Variants in CHD4 observed in about 807,000 individuals in gnomAD.
CHD4 encodes the protein chromodomain helicase DNA binding protein 4.
CHD4 carries 35 observed loss-of-function variants against 235.5 expected under a neutral mutation model. That is an observed-to-expected ratio of 0.15 (90% confidence interval 0.11 to 0.20). The LOEUF (loss-of-function observed/expected upper bound fraction) is 0.20, where lower values mean the gene tolerates loss of function less well. Ranked by LOEUF, CHD4 falls within the 10% of genes least tolerant of loss-of-function variation. CHD4 has a pLI of 1.00. For synonymous variants in CHD4, 900 were observed against 850.2 expected, an observed-to-expected ratio of 1.06 and a Z score of -1.02; for missense variants, 1,329 against 2,432.3, an observed-to-expected ratio of 0.55 and a Z score of 9.54.
intron 33 of CHD4, 108 bp from the exon 34 acceptor site, chr12:6,579,025 G>A (rs1948123028): frequency 1.9e-6 from 2 of 1,048,992 alleles, no homozygotes; most frequent in Non-Finnish European, 2.9e-6. Context: ...TGCAATTACA[G>A]TAATGTCAGC....
rs369758311 is a variant in CHD4 at position 6,606,228 on chromosome 12, C to T, written c.100+46G>A. On this transcript the variant is annotated intron_variant, in intron 2 of 39. Coordinates refer to ENST00000544040, the MANE Select transcript of CHD4 (RefSeq NM_001273.5). ...TCACCAGAGGAGTCACTCGGGAGAG[C>T]CCCAGATGTCTCCTTCCCGCCATGG... 4 of 1,303,146 alleles carry T rather than the reference C, an allele frequency of 3.1e-6. No homozygotes were observed. In the African/African-American group the frequency reaches 6.0e-5, roughly 19 times the overall value. 80.7% of individuals were successfully genotyped at this position (1,303,146 alleles called of 1,614,324 possible).
chr12:6,600,310 G>C lies in CHD4; in HGVS notation c.1149C>G (p.Ile383Met). ...AAGCACGGGGACAGGTATCACACAG[G>C]ATGATCTCACCGCCTTGCTGGCACA... ...CEVCQQGGEI[I>M]LCDTCPRAYH... Residue 383 changes from isoleucine to methionine, a missense_variant, in exon 9 of 40, where the codon ATC becomes ATG. Physicochemically the swap from Ile to Met is conservative, Grantham distance 10 (BLOSUM62 1). Around this residue, in one of 26 missense-constraint regions of CHD4, gnomAD observed 13 missense variants for 56.5 expected, o/e 0.23. Transcript: ENST00000544040. 6.2e-7 allele frequency: 1 copy of C among 1,614,134 alleles called. No individual in the cohort carries two copies. The highest frequency in any genetic ancestry group is 8.5e-7 in the Non-Finnish European group (1 of 1,180,018).
In CHD4 at chr12:6,598,347, G is replaced by A. The variant is rs761162911; in HGVS notation, c.1561C>T (p.Arg521Trp). The A allele has an allele frequency of 3.7e-6, 6 of 1,614,142 alleles. No homozygotes were observed. The highest frequency in any genetic ancestry group is 4.2e-6 in the Non-Finnish European group (5 of 1,179,996). The change falls in exon 11 of 40, where the codon CGG (arginine) becomes TGG (tryptophan). Residue 521 changes from arginine to tryptophan, a missense_variant. This residue lies in a region of CHD4 where 45 missense variants were observed against 47.5 expected (regional missense o/e 0.95). Coordinates refer to ENST00000544040, the MANE Select transcript of CHD4 (RefSeq NM_001273.5). ...GTGTTGGGATCAGCATCTGGAGGCCGAGGCACTGGTGTGGGAGATGGTGGC... is the reference window on the plus strand; with the variant it reads ...GTGTTGGGATCAGCATCTGGAGGCCAAGGCACTGGTGTGGGAGATGGTGGC... Reference protein sequence around the residue: ...GQPPSPTPVPRPPDADPNTPS... With the variant: ...GQPPSPTPVPWPPDADPNTPS...
intron 7 of CHD4, 112 bp from the exon 8 acceptor site, chr12:6,600,781 T>C (rs901720171): frequency 3.6e-5 from 54 of 1,515,784 alleles, no homozygotes; most frequent in Non-Finnish European, 4.4e-5. Flanking sequence ...CAAGCACCGT[T>C]ATACAGGGAG....
At position 6,593,220 on chromosome 12, in the gene CHD4, T is replaced by C. The variant is rs1330336363; in HGVS notation, c.2523A>G (p.Ala841=). ...TCAGCAGCACATGGAATTTCACAGA[T>C]GCCTCTTTCTGCACATGAAGGCAAC... The part of the protein sequence containing the change: ...GKKASRMKKE[A]SVKFHVLLTS... The change falls in exon 17 of 40, where the codon GCA becomes GCG. Residue 841 remains alanine, a synonymous_variant. Coordinates refer to ENST00000544040, the MANE Select transcript of CHD4 (RefSeq NM_001273.5). This position sits in a 1 kb window ranked among gnomAD's most constrained non-coding sequence, Gnocchi z 4.9. 1.9e-6 allele frequency: 3 copies of C among 1,614,084 alleles called. No homozygotes were observed. The highest frequency in any genetic ancestry group is 2.7e-5 in the African/African-American group (2 of 75,052).
intron 22 of CHD4, among the ~76,000 whole-genome samples, chr12:6,590,508 GT>G (rs979012070): frequency 2.5e-4 from 36 of 146,792 alleles, no homozygotes; most frequent in East Asian, 9.9e-4. Flanking sequence ...AAAATAAAAA[GT>G]TTTTTTTTTT....
intron 33 of CHD4, chr12:6,580,283 G>A (rs1948157675): frequency 6.6e-6 from 1 of 152,032 alleles, no homozygotes; most frequent in African/African-American, 2.4e-5. Context: ...GATACCTTAA[G>A]TTAGGGGAAA....
chr12:6,599,553 T>C (rs199588214), intron 10 of CHD4, among the ~76,000 whole-genome samples: 1 of 152,184 alleles, frequency 6.6e-6, no homozygotes, highest in Non-Finnish European at 1.5e-5. Context: ...CATTGCTTCA[T>C]CTCCTCTTAA....
In CHD4 at chr12:6,602,385, T is replaced by C; in HGVS notation, c.213A>G (p.Gln71=). ...RDPKIPKSKR[Q]KKERMLLCRQ... is the part of the protein sequence containing the mutation. ...TCAGTCACCCACTCACCTCCTTTTT[T>C]TGGCGCTTGCTCTTAGGGATTTTAG... Residue 71 remains glutamine (Q), a synonymous_variant, in exon 3 of 40, where the codon CAA becomes CAG. Transcript: ENST00000544040. The C allele has an allele frequency of 1.2e-6, 2 of 1,613,782 alleles. No homozygotes were observed. The highest frequency in any genetic ancestry group is 1.1e-5 in the South Asian group (1 of 91,012).
Position 6,606,293 on chromosome 12 carries a change from G to A in CHD4, c.81C>T (p.Ser27=), listed in dbSNP as rs758691484. The A allele has an allele frequency of 1.9e-6, 3 of 1,585,092 alleles. No individual in the cohort carries two copies. In the East Asian group the frequency reaches 7.4e-5, roughly 39 times the overall value. Residue 27 remains serine, a synonymous_variant, in exon 2 of 40, where the codon AGC becomes AGT. Transcript: ENST00000544040. The stretch of plus-strand genomic sequence containing the variant: ...TGTTACCTGGGTGGGGTGGGGGCAG[G>A]CTGTTGTTCAAAAGTGCATCCATAT... ...EEDMDALLNN[S]LPPPHPENEE...
chr12:6,590,136 T>G (rs1228327856), intron 22 of CHD4: 2 of 152,090 alleles, frequency 1.3e-5, no homozygotes, highest in African/African-American at 4.8e-5. Context: ...AGGCATAGGT[T>G]GCAATGAGTC....
chr12:6,595,967 A>G, intron 13 of CHD4, 39 bp downstream of exon 13: 2 of 1,573,764 alleles, frequency 1.3e-6, no homozygotes, highest in South Asian at 2.4e-5. Flanking sequence ...AAAAAAAAAA[A>G]AAAAGAAACA....
intron 33 of CHD4, chr12:6,580,308 A>C (rs1948157962): frequency 6.6e-6 from 1 of 152,216 alleles, no homozygotes; most frequent in Admixed American, 6.5e-5. Context: ...GCCACCTAAA[A>C]TCAAGGGTGC....
At chr12:6,606,506 C>A in intron 1 of CHD4, 55 bp from the exon 2 acceptor site, 1 of 533,406 alleles carries the variant, frequency 1.9e-6, no homozygotes, top group Non-Finnish European at 3.3e-6. Flanking sequence ...CACTGTCCCC[C>A]TCCCCCACAC....
Position 6,581,323 on chromosome 12 carries a change from C to T in CHD4, c.4747G>A (p.Val1583Ile), listed in dbSNP as rs1285532393. ...GCAGTCTCAGGGGCTGTAGATTTAA[C>T]CTCCTTTTCTCCTTCTATGCTCTCT... ...EEESIEGEKE[V>I]KSTAPETAIE... The change falls in exon 32 of 40, where the codon GTT becomes ATT. Residue 1583 changes from valine to isoleucine, a missense_variant. Around this residue, in one of 26 missense-constraint regions of CHD4, gnomAD observed 219 missense variants for 219.3 expected, o/e 1.00. Transcript: ENST00000544040. 1 of 1,614,056 alleles carries T rather than the reference C, an allele frequency of 6.2e-7. No individual in the cohort carries two copies. Among genetic ancestry groups the T allele is most frequent in the African/African-American group, 1.3e-5 (1 of 74,934 alleles).
Position 6,570,559 on chromosome 12 carries a change from C to T in CHD4, c.*117G>A. On this transcript the variant is annotated 3_prime_UTR_variant, in exon 40 of 40. Transcript: ENST00000544040. ...GTGCACTGGGGCTGTTCCTTTACAA[C>T]ATGGAAGATGGGCAGAAGGAAGGTG... The T allele has an allele frequency of 1.5e-6, 2 of 1,309,956 alleles. No individual in the cohort carries two copies. Among genetic ancestry groups the T allele is most frequent in the Non-Finnish European group, 1.1e-6 (1 of 917,106 alleles). The allele number at this position is 1,309,956 out of a possible 1,614,324, so 81.1% of individuals were successfully genotyped here.
chr12:6,582,063 A>G (rs1948204121), intron 30 of CHD4, 74 bp downstream of exon 30: 2 of 1,452,050 alleles, frequency 1.4e-6, no homozygotes, highest in Admixed American at 2.5e-5. Context: ...TCAGCCTCCC[A>G]AAGTGCTGGG....
chr12:6,580,789 A>G, intron 33 of CHD4: 1 of 422,436 alleles, frequency 2.4e-6, no homozygotes, highest in Non-Finnish European at 4.1e-6. Context: ...CAGGTGGATC[A>G]TGAGGTCAGG....
At chr12:6,589,565 G>A (rs535404033) in intron 22 of CHD4, among the ~76,000 whole-genome samples, 14 of 151,702 alleles carry the variant, frequency 9.2e-5, no homozygotes, top group South Asian at 4.2e-4. Context: ...TCAGGAGATC[G>A]AGACCATCCT....
Sources: allele counts gnomAD v4.1 joint callset (sites outside exome capture counted in the v4.1 genomes callset), GRCh38; gene constraint gnomAD v4.1.1; regional missense constraint gnomAD v4.1.1; non-coding constraint Gnocchi (gnomAD v3.1); transcripts MANE v1.5; gene names NCBI Gene and HGNC (gene_info 2026-07-23, HGNC 2026-07-21).